The following ZBTB20 variants were observed in gnomAD, a reference collection of about 807,000 sequenced individuals.
ZBTB20 encodes the protein zinc finger and BTB domain containing 20.
Under a neutral mutation model 56.9 loss-of-function variants are expected in ZBTB20, and 9 were observed. That is an observed-to-expected ratio of 0.16 (90% CI 0.10 to 0.28). The LOEUF (loss-of-function observed/expected upper bound fraction) is 0.28, where lower values mean the gene tolerates loss of function less well. ZBTB20 is among the 10% of genes least tolerant of loss of function. The probability of loss-of-function intolerance (pLI) is 1.00; values close to 1 mark genes in which losing one functional copy is unlikely to be tolerated. For missense variants in ZBTB20, 655 were observed against 1,003.0 expected (o/e 0.65, Z 4.69); for synonymous variants, 417 against 420.7 (o/e 0.99, Z 0.11).
rs59884793 is a variant in ZBTB20, at chr3:114,971,012, C to CA, written c.-456+3353dup. Among the ~76,000 whole-genome samples, 781 of 122,656 alleles carry CA rather than the reference C, an allele frequency of 6.4e-3. 3 individuals are homozygous for CA. Among genetic ancestry groups the CA allele is most frequent in the African/African-American group, 0.016 (592 of 36,102 alleles). The allele number at this position is 122,656 out of a possible 152,430, so 80.5% of individuals were successfully genotyped here. A position where few individuals can be genotyped will look rare whatever the true frequency, so the allele number is the denominator to read the frequency against. ...CCTGGGCAACAGAGCGAGACTCCGT[C>CA]AAAAAAAAAAAAAAGATAATGCAAT... On this transcript the variant is annotated intron_variant, in intron 3 of 11. Coordinates refer to ENST00000675478, the MANE Select transcript of ZBTB20 (RefSeq NM_001348800.3).
chr3:114,864,552 C>T (rs2075680739), intron 4 of ZBTB20, among the ~76,000 whole-genome samples: 1 of 151,634 alleles, frequency 6.6e-6, no homozygotes, highest in Admixed American at 6.6e-5. Flanking sequence ...AAAGTAGCTA[C>T]TATCTTATAG....
intron 7 of ZBTB20, among the ~76,000 whole-genome samples, chr3:114,479,667 T>C (rs1041106183): frequency 7.2e-5 from 11 of 152,248 alleles, no homozygotes; most frequent in African/African-American, 2.7e-4. Context: ...CTATGTGTGT[T>C]TCTAATTCTA....
At chr3:114,562,086 T>TC (rs2052135721) in intron 6 of ZBTB20, among the ~76,000 whole-genome samples, 1 of 152,216 alleles carries the variant, frequency 6.6e-6, no homozygotes, top group African/African-American at 2.4e-5. Context: ...CTTCTAAAGC[T>TC]TCCTCACCTC....
Position 114,575,241 on chromosome 3 carries a change from G to A in ZBTB20, c.-294-74850C>T, listed in dbSNP as rs976798429. On this transcript the variant is annotated intron_variant, in intron 6 of 11. Transcript: ENST00000675478. ...CAGTTTAATTTCAATCTGTTGTTAT[G>A]TATAAAAGATTGTTAAAATCATGCC... 4.6e-5 allele frequency among the ~76,000 whole-genome samples: 7 copies of A among 152,248 alleles called. No homozygotes were observed. The South Asian group carries it at 1.5e-3, about 32-fold the overall frequency.
At chr3:114,747,461 G>A (rs1314843001) in intron 5 of ZBTB20, among the ~76,000 whole-genome samples, 1 of 152,144 alleles carries the variant, frequency 6.6e-6, no homozygotes, top group African/African-American at 2.4e-5. Context: ...CAGTTCGGGA[G>A]GCTGAGGCAG....
intron 6 of ZBTB20, among the ~76,000 whole-genome samples, chr3:114,561,592 C>A: frequency 6.6e-6 from 1 of 151,964 alleles, no homozygotes; most frequent in South Asian, 2.1e-4. Flanking sequence ...TCTCTTTTTT[C>A]TGAGTGGTAG....
At chr3:114,381,362 A>G (rs1281043572) in intron 8 of ZBTB20, among the ~76,000 whole-genome samples, 2 of 152,202 alleles carry the variant, frequency 1.3e-5, no homozygotes, top group Non-Finnish European at 1.5e-5. Flanking sequence ...GGGGTCAGGA[A>G]TAGGAAGTAA....
At chr3:114,857,063 T>A (rs2075285768) in intron 4 of ZBTB20, among the ~76,000 whole-genome samples, 1 of 152,144 alleles carries the variant, frequency 6.6e-6, no homozygotes, top group Admixed American at 6.5e-5. Context: ...TGTTTCACAT[T>A]CCACTTCCTG....
At position 114,438,521 on chromosome 3, in the gene ZBTB20, AGGTG is replaced by A. The variant is rs542213218; in HGVS notation, c.-254-49420_-254-49417del. ...GATCACCTTGATCATAATCATCTCA[AGGTG>A]CTTGGAGGAAAGAAGGAGAGATGAG... is the stretch of plus-strand genomic sequence containing the variant. On this transcript the variant is annotated intron_variant, in intron 7 of 11. Coordinates refer to ENST00000675478, the MANE Select transcript of ZBTB20 (RefSeq NM_001348800.3). Among the ~76,000 whole-genome samples the A allele has an allele frequency of 5.9e-5, 9 of 152,276 alleles. No homozygotes were observed. The South Asian group carries it at 1.5e-3, about 25-fold the overall frequency.
At chr3:114,419,977 A>G (rs544460243) in intron 7 of ZBTB20, among the ~76,000 whole-genome samples, 17 of 152,288 alleles carry the variant, frequency 1.1e-4, no homozygotes, top group African/African-American at 3.4e-4. Flanking sequence ...GACAGTTTTT[A>G]CAGTACATAA....
At chr3:114,555,818 C>A (rs115962918) in intron 6 of ZBTB20, among the ~76,000 whole-genome samples, 1 of 152,056 alleles carries the variant, frequency 6.6e-6, no homozygotes, top group African/African-American at 2.4e-5. Flanking sequence ...GGCTGTTTAC[C>A]CTTTATACAA....
intron 7 of ZBTB20, among the ~76,000 whole-genome samples, chr3:114,398,179 T>C (rs753253158): frequency 3.3e-5 from 5 of 152,140 alleles, no homozygotes; most frequent in Non-Finnish European, 7.4e-5. Flanking sequence ...CTTTAGCCCA[T>C]AATGTTTTCT....
intron 1 of ZBTB20, among the ~76,000 whole-genome samples, chr3:115,138,175 T>C (rs2084704826): frequency 1.3e-5 from 2 of 152,082 alleles, no homozygotes; most frequent in South Asian, 4.1e-4. Flanking sequence ...GGGTTTGATT[T>C]AGTTTTCCTT....
intron 7 of ZBTB20, among the ~76,000 whole-genome samples, chr3:114,392,559 C>T (rs1422503496): frequency 6.6e-6 from 1 of 152,274 alleles, no homozygotes; most frequent in African/African-American, 2.4e-5. Context: ...GCAGTAATTC[C>T]GTGGTTAAAT....
At chr3:114,638,121 G>A (rs984162069) in intron 6 of ZBTB20, among the ~76,000 whole-genome samples, 4 of 152,076 alleles carry the variant, frequency 2.6e-5, no homozygotes, top group African/African-American at 9.7e-5. Flanking sequence ...CTCTAGCAAA[G>A]AAGGGTGGCC....
At chr3:114,613,767 G>C (rs2057726294) in intron 6 of ZBTB20, among the ~76,000 whole-genome samples, 1 of 152,118 alleles carries the variant, frequency 6.6e-6, no homozygotes, top group African/African-American at 2.4e-5. Context: ...GTTCACATAT[G>C]ATGGTGTCTG....
At chr3:114,897,748 G>C (rs902356163) in intron 4 of ZBTB20, among the ~76,000 whole-genome samples, 10 of 152,102 alleles carry the variant, frequency 6.6e-5, no homozygotes, top group African/African-American at 2.4e-4. Flanking sequence ...GGTGTGAACT[G>C]AGGTAAAAGA....
In ZBTB20 at chr3:114,319,738, G is replaced by T. The variant is rs1339310582; in HGVS notation, c.*19267C>A. 6.6e-6 allele frequency: 1 copy of T among 152,128 alleles called. No individual in the cohort carries two copies. Among genetic ancestry groups the T allele is most frequent in the Non-Finnish European group, 1.5e-5 (1 of 68,052 alleles). The allele number at this position is 152,128 out of a possible 1,614,324, so 9.4% of individuals were successfully genotyped here. On this transcript the variant is annotated 3_prime_UTR_variant, in exon 12 of 12. Coordinates refer to ENST00000675478, the MANE Select transcript of ZBTB20 (RefSeq NM_001348800.3). Reference sequence around the variant, plus strand: ...AAACACATGAGGTAGCACATGGGAAGTCAGAGGACTGAAGCGTGTCCATGT... The same window carrying T: ...AAACACATGAGGTAGCACATGGGAATTCAGAGGACTGAAGCGTGTCCATGT...
intron 7 of ZBTB20, among the ~76,000 whole-genome samples, chr3:114,454,397 C>T (rs1393086334): frequency 6.6e-6 from 1 of 151,752 alleles, no homozygotes; most frequent in Non-Finnish European, 1.5e-5. Flanking sequence ...TCCCACCCCC[C>T]GTTGTACTGC....
Sources: allele counts gnomAD v4.1 joint callset (sites outside exome capture counted in the v4.1 genomes callset), GRCh38; gene constraint gnomAD v4.1.1; transcripts MANE v1.5; gene names NCBI Gene and HGNC (gene_info 2026-07-23, HGNC 2026-07-21).